The following CCDC34 variants were observed in gnomAD, a reference collection of about 807,000 sequenced individuals.
The protein encoded by CCDC34 is coiled-coil domain containing 34.
Under a neutral mutation model 44.1 loss-of-function variants are expected in CCDC34, and 40 were observed. The observed-to-expected ratio is 0.91, with a 90% CI of 0.70 to 1.18. CCDC34 has a LOEUF of 1.18. Among genes scored for constraint, CCDC34 ranks in the 50% most tolerant of loss-of-function variants. CCDC34 has a pLI of 0.00. For missense variants in CCDC34, 466 were observed against 452.3 expected, an observed-to-expected ratio of 1.03 and a Z score of -0.28; for synonymous variants, 159 against 158.2, an observed-to-expected ratio of 1.01 and a Z score of -0.04.
At chr11:27,341,301 C>T (rs903195133) in intron 4 of CCDC34, 91 bp downstream of exon 4, 4 of 769,722 alleles carry the variant, frequency 5.2e-6, no homozygotes, top group Non-Finnish European at 8.0e-6. Context: ...AAGATAGTGC[C>T]AATTTTCTAT....
intron 1 of CCDC34, among the ~76,000 whole-genome samples, chr11:27,359,639 C>T (rs1408138031): frequency 6.6e-6 from 1 of 152,184 alleles, no homozygotes; most frequent in Non-Finnish European, 1.5e-5. Context: ...GAGACGCCCG[C>T]CACTACGCCC....
At position 27,338,941 on chromosome 11, in the gene CCDC34, A is replaced by T; in HGVS notation, c.1002T>A (p.Asp334Glu). 1.2e-6 allele frequency: 2 copies of T among 1,613,784 alleles called. No individual in the cohort carries two copies. The highest frequency in any genetic ancestry group is 1.7e-6 in the Non-Finnish European group (2 of 1,179,838). Residue 334 changes from aspartate (D) to glutamate (E), a missense_variant, in exon 6 of 6, where the codon GAT (aspartate) becomes GAA (glutamate). Asp to Glu is a conservative substitution (Grantham distance 45). Coordinates refer to ENST00000328697, the MANE Select transcript of CCDC34 (RefSeq NM_030771.2). ...GTCTTTTACTCTTCCTTCCTGATAG[A>T]TCCTTAGCTTCTTTGGGAGGTGGCA... is the stretch of plus-strand genomic sequence containing the variant. ...IHMPPPKEAK[D>E]LSGRKSKRPV...
chr11:27,342,110 TTC>T (rs1406773195), intron 3 of CCDC34, among the ~76,000 whole-genome samples: 1 of 152,082 alleles, frequency 6.6e-6, no homozygotes, highest in African/African-American at 2.4e-5. Flanking sequence ...CCAATTAAAC[TTC>T]TTTCTTTTGT....
intron 1 of CCDC34, among the ~76,000 whole-genome samples, chr11:27,360,002 T>C (rs1293287467): frequency 6.6e-6 from 1 of 152,192 alleles, no homozygotes; most frequent in Non-Finnish European, 1.5e-5. Flanking sequence ...AGTAGGGTCC[T>C]AGGAAACAGT....
At chr11:27,345,949 T>C (rs1408511451) in intron 3 of CCDC34, among the ~76,000 whole-genome samples, 1 of 152,094 alleles carries the variant, frequency 6.6e-6, no homozygotes, top group Non-Finnish European at 1.5e-5. Context: ...CAGCACCTGT[T>C]GTTTCCTGAC....
rs1231393786 is a variant in CCDC34 at position 27,363,068 on chromosome 11, G to A, written c.127C>T (p.Gln43Ter). Residue 43 changes from glutamine to a stop codon, truncating the protein, a stop_gained, in exon 1 of 6, where the codon CAG (glutamine) becomes TAG (stop). Coordinates refer to ENST00000328697, the MANE Select transcript of CCDC34 (RefSeq NM_030771.2). LOFTEE classifies it high-confidence loss of function. Reference protein sequence around the residue: ...CSVPMTGARGQGLEVVRSPSP... With the variant: ...CSVPMTGARG ...GGCGAGCGCACCACCTCCAGCCCCT[G>A]CCCACGTGCGCCCGTCATAGGGACT... 3 of 1,612,362 alleles carry A rather than the reference G, an allele frequency of 1.9e-6. No homozygotes were observed. Among genetic ancestry groups the A allele is most frequent in the Non-Finnish European group, 2.5e-6 (3 of 1,179,272 alleles).
intron 2 of CCDC34, among the ~76,000 whole-genome samples, chr11:27,355,686 C>G (rs991502125): frequency 6.6e-6 from 1 of 152,096 alleles, no homozygotes; most frequent in Non-Finnish European, 1.5e-5. Context: ...TGCTTACACC[C>G]AGCAAATAAA....
chr11:27,349,218 A>T lies in CCDC34; in HGVS notation c.606+1114T>A, dbSNP rs16916892. 3.0e-3 allele frequency: 2,842 copies of T among 951,790 alleles called. 55 individuals carry two copies. The African/African-American group carries it at 0.048, about 16-fold the overall frequency. 59.0% of individuals were successfully genotyped at this position (951,790 alleles called of 1,614,324 possible). On this transcript the variant is annotated intron_variant, in intron 3 of 5. Transcript: ENST00000328697. The stretch of plus-strand genomic sequence containing the variant: ...TACAAATTTCAAAAAGATATTACCC[A>T]AAGTTTTATAACAGTCACAGAGATT...
Position 27,362,865 on chromosome 11 carries a change from C to A in CCDC34, c.330G>T (p.Leu110=). 6.2e-7 allele frequency: 1 copy of A among 1,614,170 alleles called. No homozygotes were observed. Among genetic ancestry groups the A allele is most frequent in the African/African-American group, 1.3e-5 (1 of 75,062 alleles). Residue 110 remains leucine (L), a synonymous_variant, in exon 1 of 6, where the codon CTG becomes CTT. Transcript: ENST00000328697. ...AHDSEAKVAS[L]RGMELQGCAS... ...CGCACCCCTGTAACTCCATTCCTCTCAGGCTCGCCACTTTGGCCTCTGAAT... is the reference window on the plus strand; with the variant it reads ...CGCACCCCTGTAACTCCATTCCTCTAAGGCTCGCCACTTTGGCCTCTGAAT...
At chr11:27,340,469 A>G (rs542344085) in intron 5 of CCDC34, among the ~76,000 whole-genome samples, 36 of 152,258 alleles carry the variant, frequency 2.4e-4, no homozygotes, top group Non-Finnish European at 4.1e-4. Context: ...ACTTTAAAGA[A>G]TAAGTTTGCA....
At chr11:27,359,185 C>G (rs1381542458) in intron 1 of CCDC34, among the ~76,000 whole-genome samples, 1 of 152,132 alleles carries the variant, frequency 6.6e-6, no homozygotes, top group Non-Finnish European at 1.5e-5. Flanking sequence ...TAAAGTTCTT[C>G]AATGGCATCT....
At chr11:27,356,983 A>G (rs948619778) in intron 2 of CCDC34, among the ~76,000 whole-genome samples, 1 of 147,818 alleles carries the variant, frequency 6.8e-6, no homozygotes, top group Non-Finnish European at 1.5e-5. Flanking sequence ...TTGTTTCAGT[A>G]AAGTTAAAAA....
chr11:27,342,076 C>T (rs1443369713), intron 3 of CCDC34, among the ~76,000 whole-genome samples: 1 of 152,006 alleles, frequency 6.6e-6, no homozygotes, highest in African/African-American at 2.4e-5. Flanking sequence ...TATTAGGCTT[C>T]CCCAGCCACA....
At chr11:27,340,045 C>A (rs1565056892) in intron 5 of CCDC34, among the ~76,000 whole-genome samples, 1 of 151,594 alleles carries the variant, frequency 6.6e-6, no homozygotes, top group Non-Finnish European at 1.5e-5. Context: ...CACTGGCAAC[C>A]CACTTGGCAT....
chr11:27,345,970 T>C (rs980965703), intron 3 of CCDC34, among the ~76,000 whole-genome samples: 3 of 152,114 alleles, frequency 2.0e-5, no homozygotes, highest in Non-Finnish European at 4.4e-5. Context: ...TTTTTAATGA[T>C]TGCCATTCTA....
rs753075980 is a variant in CCDC34, at chr11:27,340,713, G to T, written c.890C>A (p.Ala297Asp). 37 of 1,609,722 alleles carry T rather than the reference G, an allele frequency of 2.3e-5. No individual in the cohort carries two copies. The highest frequency in any genetic ancestry group is 3.1e-5 in the Non-Finnish European group (37 of 1,178,240). Residue 297 changes from alanine to aspartate, a missense_variant, in exon 5 of 6, where the codon GCC (alanine) becomes GAC (aspartate). By Grantham distance (126) the Ala-to-Asp change is moderately radical. Transcript: ENST00000328697. Reference sequence around the variant, plus strand: ...AAACCAACCTGTAAGTTTTCCATTGGCATAACCATAGCTCTTTGCAGCTGG... The same window carrying T: ...AAACCAACCTGTAAGTTTTCCATTGTCATAACCATAGCTCTTTGCAGCTGG... The part of the protein sequence containing the change: ...PRPAAKSYGY[A>D]NGKLTGFYSG...
chr11:27,353,254 T>C (rs937782516), intron 2 of CCDC34, among the ~76,000 whole-genome samples: 1 of 151,810 alleles, frequency 6.6e-6, no homozygotes, highest in Non-Finnish European at 1.5e-5. Context: ...TATCCTGCCC[T>C]ATTCGTTCGT....
chr11:27,356,825 C>A (rs961616603), intron 2 of CCDC34, among the ~76,000 whole-genome samples: 1 of 145,074 alleles, frequency 6.9e-6, no homozygotes, highest in African/African-American at 2.6e-5. Context: ...AGTTTCCCAC[C>A]GCCCAGCACA....
At chr11:27,356,008 A>ATTTTT (rs34146389) in intron 2 of CCDC34, among the ~76,000 whole-genome samples, 6,253 of 69,472 alleles carry the variant, frequency 0.09, 845 homozygotes, top group East Asian at 0.29. Flanking sequence ...TGTTCCCAGG[A>ATTTTT]TTTTTTTTTT....
Sources: gnomAD v4.1 joint callset for allele counts (sites outside exome capture counted in the v4.1 genomes callset) on GRCh38, gnomAD v4.1.1 for gene constraint, MANE v1.5 for transcripts, NCBI Gene and HGNC (gene_info 2026-07-23, HGNC 2026-07-21) for gene names.